The following SIX5 variants were observed in gnomAD, a reference collection of about 807,000 sequenced individuals.
The protein encoded by SIX5 is SIX homeobox 5.
In SIX5, 21 loss-of-function variants were observed where a neutral mutation model predicts 37.1. The observed-to-expected ratio is 0.57, with a 90% CI of 0.40 to 0.81. SIX5 has a LOEUF of 0.81. SIX5 is among the 40% of genes least tolerant of loss of function. SIX5 has a pLI of 0.00. For missense variants in SIX5, 1,137 were observed against 1,025.1 expected (o/e 1.11, Z -1.49); for synonymous variants, 626 against 505.9 (o/e 1.24, Z -3.19).
Position 45,766,509 on chromosome 19 carries a change from C to A in SIX5, c.1450G>T (p.Val484Leu), listed in dbSNP as rs1467824347. 1.3e-6 allele frequency: 2 copies of A among 1,508,090 alleles called. No individual in the cohort carries two copies. The highest frequency in any genetic ancestry group is 2.8e-5 in the African/African-American group (2 of 72,188). The allele number at this position is 1,508,090 out of a possible 1,614,324, so 93.4% of individuals were successfully genotyped here. The change falls in exon 2 of 3, where the codon GTG becomes TTG. Residue 484 changes from valine to leucine, a missense_variant. Transcript: ENST00000317578. The part of the protein sequence containing the change: ...NLPQVVPTSQ[V>L]VTLPQAVGPL... Reference sequence around the variant, plus strand: ...CCCACAGCCTGGGGCAGGGTCACCACCTGTGAGGTGGGTACTACCTGGGGC... The same window carrying A: ...CCCACAGCCTGGGGCAGGGTCACCAACTGTGAGGTGGGTACTACCTGGGGC...
rs778363305 is a variant in SIX5 at position 45,766,811 on chromosome 19, G to A, written c.1148C>T (p.Ser383Phe). The part of the protein sequence containing the change: ...SPQGASETKT[S>F]LVLDPQTGEV... ...CCCTGTCTGAGGGTCCAGGACCAGA[G>A]AGGTCTTGGTCTCGCTGGCCCCCTG... Residue 383 changes from serine to phenylalanine, a missense_variant, in exon 2 of 3, where the codon TCT becomes TTT. Around this residue, in one of 3 missense-constraint regions of SIX5, gnomAD observed 787 missense variants for 621.4 expected, o/e 1.27. Coordinates refer to ENST00000317578, the MANE Select transcript of SIX5 (RefSeq NM_175875.5). The A allele has an allele frequency of 2.0e-5, 31 of 1,563,440 alleles. No homozygotes were observed. The highest frequency in any genetic ancestry group is 1.8e-4 in the Middle Eastern group (1 of 5,696).
rs902175019 is a variant in SIX5, at chr19:45,765,832, G to A, written c.1889C>T (p.Ser630Phe). 1.9e-6 allele frequency: 3 copies of A among 1,602,008 alleles called. No homozygotes were observed. In the African/African-American group the frequency reaches 4.0e-5, roughly 21 times the overall value. ...QQPPPAAATT[S>F]STSLPFSPDS... ...AGGGGAGAAGGGCAGGCTGGTGCTG[G>A]AGGTGGTGGCAGCGGCGGGGGGTGG... Residue 630 changes from serine to phenylalanine, a missense_variant, in exon 3 of 3, where the codon TCC becomes TTC. Ser to Phe is a radical substitution (Grantham distance 155). This residue lies in a region of SIX5 where 787 missense variants were observed against 621.4 expected (regional missense o/e 1.27). Transcript: ENST00000317578.
chr19:45,765,464 G>C lies in SIX5; in HGVS notation c.*37C>G. Reference sequence around the variant, plus strand: ...TCCCATTCCTGTCCCTGCGTCTTCAGCACCAATGTCGGGAGAGGCCACGGG... The same window carrying C: ...TCCCATTCCTGTCCCTGCGTCTTCACCACCAATGTCGGGAGAGGCCACGGG... On this transcript the variant is annotated 3_prime_UTR_variant, in exon 3 of 3. Coordinates refer to ENST00000317578, the MANE Select transcript of SIX5 (RefSeq NM_175875.5). 7 of 1,612,680 alleles carry C rather than the reference G, an allele frequency of 4.3e-6. No homozygotes were observed. Among genetic ancestry groups the C allele is most frequent in the Non-Finnish European group, 5.1e-6 (6 of 1,179,944 alleles).
chr19:45,766,116 G>T lies in SIX5; in HGVS notation c.1610-5C>A. ...GGTTGGCCAGGAGGAAGTTTCCTGT[G>T]GGGAGAGAGGGACCGAGCGCAGGTG... On this transcript the variant is annotated splice_region_variant and splice_polypyrimidine_tract_variant and intron_variant, in intron 2 of 2. Transcript: ENST00000317578. 6.2e-7 allele frequency: 1 copy of T among 1,610,386 alleles called. No homozygotes were observed. Among genetic ancestry groups the T allele is most frequent in the Non-Finnish European group, 8.5e-7 (1 of 1,178,620 alleles).
chr19:45,765,697 G>C lies in SIX5; in HGVS notation c.2024C>G (p.Thr675Arg). ...CTTTTCCGCTTCCAGCAGCCCCTCT[G>C]TTCCTGCGCTTAGTTCCAGCCCTGC... ...WSAGLELSAGTEGLLEAEKGL... is the reference protein window; with the variant it reads ...WSAGLELSAGREGLLEAEKGL... Residue 675 changes from threonine to arginine, a missense_variant, in exon 3 of 3, where the codon ACA (threonine) becomes AGA (arginine). By Grantham distance (71) the Thr-to-Arg change is moderately conservative. This residue lies in a region of SIX5 where 787 missense variants were observed against 621.4 expected (regional missense o/e 1.27). Coordinates refer to ENST00000317578, the MANE Select transcript of SIX5 (RefSeq NM_175875.5). The C allele has an allele frequency of 1.9e-6, 3 of 1,613,128 alleles. No homozygotes were observed. Among genetic ancestry groups the C allele is most frequent in the Non-Finnish European group, 2.5e-6 (3 of 1,179,994 alleles).
chr19:45,766,531 G>A lies in SIX5; in HGVS notation c.1428C>T (p.Pro476=), dbSNP rs1304511193. 1 of 1,495,298 alleles carries A rather than the reference G, an allele frequency of 6.7e-7. No individual in the cohort carries two copies. The highest frequency in any genetic ancestry group is 9.0e-7 in the Non-Finnish European group (1 of 1,115,144). The allele number at this position is 1,495,298 out of a possible 1,614,324, so 92.6% of individuals were successfully genotyped here. A position where few individuals can be genotyped will look rare whatever the true frequency, so the allele number is the denominator to read the frequency against. ...LSPTSPLLNL[P]QVVPTSQVVT... The stretch of plus-strand genomic sequence containing the variant: ...CCACCTGTGAGGTGGGTACTACCTG[G>A]GGCAGGTTCAATAGTGGGGAGGTGG... Residue 476 remains proline, a synonymous_variant, in exon 2 of 3, where the codon CCC becomes CCT. Transcript: ENST00000317578.
rs772387291 is a variant in SIX5, at chr19:45,766,828, G to A, written c.1131C>T (p.Ala377=). The change falls in exon 2 of 3, where the codon GCC becomes GCT. Residue 377 remains alanine, a synonymous_variant. Transcript: ENST00000317578. ...APPPQPSPQG[A]SETKTSLVLD... ...GGACCAGAGAGGTCTTGGTCTCGCT[G>A]GCCCCCTGAGGGCTGGGCTGCGGTG... 9.0e-6 allele frequency: 14 copies of A among 1,549,396 alleles called. No individual in the cohort carries two copies. The highest frequency in any genetic ancestry group is 1.9e-5 in the Admixed American group (1 of 52,318).
At position 45,766,380 on chromosome 19, in the gene SIX5, C is replaced by T. The variant is rs747084700; in HGVS notation, c.1579G>A (p.Ala527Thr). 24 of 1,590,210 alleles carry T rather than the reference C, an allele frequency of 1.5e-5. No homozygotes were observed. In the Admixed American group the frequency reaches 4.2e-4, roughly 28 times the overall value. The change falls in exon 2 of 3, where the codon GCC (alanine) becomes ACC (threonine). Residue 527 changes from alanine to threonine, a missense_variant. Coordinates refer to ENST00000317578, the MANE Select transcript of SIX5 (RefSeq NM_175875.5). ...GCAGTGGCCGAAGGCAGCTGCAGGG[C>T]AGTCACGCCCACCCCGGAGTTGATG... Reference protein sequence around the residue: ...HLINSGVGVTALQLPSATAPG... With the variant: ...HLINSGVGVTTLQLPSATAPG...
chr19:45,766,933 G>A lies in SIX5; in HGVS notation c.1026C>T (p.Pro342=). The A allele has an allele frequency of 6.4e-6, 10 of 1,568,994 alleles. No individual in the cohort carries two copies. Among genetic ancestry groups the A allele is most frequent in the Non-Finnish European group, 8.6e-6 (10 of 1,159,818 alleles). ...CCAGGGCCAGGCCGTTGATGATGAC[G>A]GGGCCCCCGTTGAGGAGCACTGCTG... ...GSPAVLLNGG[P]VIINGLALGE... is the part of the protein sequence containing the mutation. Residue 342 remains proline (P), a synonymous_variant, in exon 2 of 3, where the codon CCC becomes CCT. Transcript: ENST00000317578.
At chr19:45,766,276 A>C in intron 2 of SIX5, 74 bp downstream of exon 2, 1 of 1,500,436 alleles carries the variant, frequency 6.7e-7, no homozygotes, top group South Asian at 1.2e-5. Context: ...GCCCAGGGAC[A>C]GCCCCTCCCT....
In SIX5 at chr19:45,765,140, A is replaced by G; in HGVS notation, c.*361T>C. On this transcript the variant is annotated 3_prime_UTR_variant, in exon 3 of 3. Coordinates refer to ENST00000317578, the MANE Select transcript of SIX5 (RefSeq NM_175875.5). Reference sequence around the variant, plus strand: ...TATTAATAGTGTTTCAGGGAGTGACAGGGAGAGGGCTCTGGGGGCTGGAAG... The same window carrying G: ...TATTAATAGTGTTTCAGGGAGTGACGGGGAGAGGGCTCTGGGGGCTGGAAG... The G allele has an allele frequency of 2.6e-6, 1 of 391,280 alleles. No individual in the cohort carries two copies. Among genetic ancestry groups the G allele is most frequent in the Non-Finnish European group, 4.8e-6 (1 of 206,488 alleles). The allele number at this position is 391,280 out of a possible 1,614,324, so 24.2% of individuals were successfully genotyped here. A position where few individuals can be genotyped will look rare whatever the true frequency, so the allele number is the denominator to read the frequency against.
Position 45,768,331 on chromosome 19 carries a change from C to T in SIX5, c.514G>A (p.Ala172Thr), listed in dbSNP as rs1333999109. 6.2e-7 allele frequency: 1 copy of T among 1,605,110 alleles called. No homozygotes were observed. The highest frequency in any genetic ancestry group is 8.5e-7 in the Non-Finnish European group (1 of 1,176,760). The part of the protein sequence containing the change: ...DLYLRARYHE[A>T]ERARGRALGA... ...AGCGCGCGGCCGCGGGCCCGCTCGG[C>T]CTCATGGTAGCGCGCGCGCAGGTAG... The change falls in exon 1 of 3, where the codon GCC becomes ACC. Residue 172 changes from alanine to threonine, a missense_variant. Transcript: ENST00000317578.
rs1229334698 is a variant in SIX5 at position 45,765,401 on chromosome 19, C to A, written c.*100G>T. 3 of 1,558,022 alleles carry A rather than the reference C, an allele frequency of 1.9e-6. No individual in the cohort carries two copies. The highest frequency in any genetic ancestry group is 1.7e-5 in the Admixed American group (1 of 59,954). The stretch of plus-strand genomic sequence containing the variant: ...CCACCCAGGCAGAAGGATGTGGTGA[C>A]TGGGGTCTTCAGCAACCGCATTTCT... On this transcript the variant is annotated 3_prime_UTR_variant, in exon 3 of 3. Transcript: ENST00000317578.
rs1178943291 is a variant in SIX5 at position 45,769,013 on chromosome 19, C to G, written c.-169G>C. 7 of 632,476 alleles carry G rather than the reference C, an allele frequency of 1.1e-5. No individual in the cohort carries two copies. The highest frequency in any genetic ancestry group is 1.9e-5 in the Non-Finnish European group (7 of 363,928). 39.2% of individuals were successfully genotyped at this position (632,476 alleles called of 1,614,324 possible). On this transcript the variant is annotated 5_prime_UTR_variant, in exon 1 of 3. Transcript: ENST00000317578. ...GGAAGGCGAGATCCAGCTCTCCACT[C>G]GGGTCTCTGTCCCCTTGTGTGTGTC...
chr19:45,766,799 TC>T lies in SIX5; in HGVS notation c.1159del (p.Asp387ThrfsTer80). 6.4e-7 allele frequency: 1 copy of T among 1,570,246 alleles called. No homozygotes were observed. The highest frequency in any genetic ancestry group is 1.8e-5 in the Admixed American group (1 of 55,728). On this transcript the variant is annotated frameshift_variant, in exon 2 of 3. Transcript: ENST00000317578. LOFTEE classifies it high-confidence loss of function. ...CAGCCGCACCTCCCCTGTCTGAGGGTCCAGGACCAGAGAGGTCTTGGTCTCG... is the reference window on the plus strand; with the variant it reads ...CAGCCGCACCTCCCCTGTCTGAGGGTCAGGACCAGAGAGGTCTTGGTCTCG... ...ASETKTSLVL[D>X]PQTGEVRLEE...
intron 1 of SIX5, 116 bp from the exon 2 acceptor site, chr19:45,767,271 G>A (rs537216351): frequency 8.3e-6 from 9 of 1,081,776 alleles, no homozygotes; most frequent in South Asian, 5.5e-5. Context: ...CATTCCAGGG[G>A]TTATGACGCC....
At position 45,768,262 on chromosome 19, in the gene SIX5, G is replaced by A. The variant is rs746490637; in HGVS notation, c.583C>T (p.Pro195Ser). Residue 195 changes from proline (P) to serine (S), a missense_variant, in exon 1 of 3, where the codon CCC becomes TCC. Coordinates refer to ENST00000317578, the MANE Select transcript of SIX5 (RefSeq NM_175875.5). Reference protein sequence around the residue: ...KYRLRKKFPLPKTIWDGEETV... With the variant: ...KYRLRKKFPLSKTIWDGEETV... Reference sequence around the variant, plus strand: ...TCCTCGCCGTCCCAGATGGTCTTGGGCAGCGGGAACTTCTTGCGCAGTCGA... The same window carrying A: ...TCCTCGCCGTCCCAGATGGTCTTGGACAGCGGGAACTTCTTGCGCAGTCGA... The A allele has an allele frequency of 6.2e-7, 1 of 1,612,956 alleles. No individual in the cohort carries two copies. The highest frequency in any genetic ancestry group is 1.3e-5 in the African/African-American group (1 of 75,044).
rs954548401 is a variant in SIX5, at chr19:45,768,648, G to T, written c.197C>A (p.Ser66Tyr). Residue 66 changes from serine to tyrosine, a missense_variant, in exon 1 of 3, where the codon TCC becomes TAC. This residue lies in a region of SIX5 where 331 missense variants were observed against 360.9 expected (regional missense o/e 0.92). Transcript: ENST00000317578. ...AAAAGAEGPGSPGVPGSPPEA... is the reference protein window; with the variant it reads ...AAAAGAEGPGYPGVPGSPPEA... ...GGGGGGCGACCCGGGGACGCCCGGG[G>T]ATCCCGGGCCCTCAGCTCCCGCAGC... 3.1e-5 allele frequency: 39 copies of T among 1,274,426 alleles called. No individual in the cohort carries two copies. Among genetic ancestry groups the T allele is most frequent in the Non-Finnish European group, 3.8e-5 (39 of 1,019,796 alleles). 78.9% of individuals were successfully genotyped at this position (1,274,426 alleles called of 1,614,324 possible).
In SIX5 at chr19:45,766,985, C is replaced by A; in HGVS notation, c.974G>T (p.Gly325Val). 1 of 1,601,976 alleles carries A rather than the reference C, an allele frequency of 6.2e-7. No individual in the cohort carries two copies. The highest frequency in any genetic ancestry group is 1.1e-5 in the South Asian group (1 of 89,718). ...GGAGCCGCTGGCTGCCAGGAAGCTCCCGTTCACCAGGATGGAGGAGGAAGC... is the reference window on the plus strand; with the variant it reads ...GGAGCCGCTGGCTGCCAGGAAGCTCACGTTCACCAGGATGGAGGAGGAAGC... ...CPASSSILVN[G>V]SFLAASGSPA... Residue 325 changes from glycine to valine, a missense_variant, in exon 2 of 3, where the codon GGG becomes GTG. Around this residue, in one of 3 missense-constraint regions of SIX5, gnomAD observed 787 missense variants for 621.4 expected, o/e 1.27. Transcript: ENST00000317578.
Sources: allele counts gnomAD v4.1 joint callset, GRCh38; gene constraint gnomAD v4.1.1; regional missense constraint gnomAD v4.1.1; transcripts MANE v1.5; gene names NCBI Gene and HGNC (gene_info 2026-07-23, HGNC 2026-07-21).